PSKH1: variants seen among roughly 807,000 people sequenced by gnomAD.
PSKH1 encodes the protein serine/threonine-protein kinase H1.
In PSKH1, 12 loss-of-function variants were observed where a neutral mutation model predicts 26.7. The ratio of observed to expected loss-of-function variants is 0.45; its 90% CI spans 0.29 to 0.73. The LOEUF is 0.73. Among genes scored for constraint, PSKH1 ranks in the 30% least tolerant of loss-of-function variants. PSKH1 has a pLI of 0.11. For missense variants in PSKH1, 431 were observed against 595.2 expected, an observed-to-expected ratio of 0.72 and a Z score of 2.87; for synonymous variants, 213 against 234.3, an observed-to-expected ratio of 0.91 and a Z score of 0.83.
chr16:67,900,360 G>C (rs1009778452), intron 1 of PSKH1, among the ~76,000 whole-genome samples: 2 of 152,184 alleles, frequency 1.3e-5, no homozygotes, highest in African/African-American at 4.8e-5. Context: ...TCTGACAGCT[G>C]TAGTGATCAA....
chr16:67,904,821 A>ATTT (rs942779122), intron 1 of PSKH1, among the ~76,000 whole-genome samples: 79 of 115,920 alleles, frequency 6.8e-4, no homozygotes, highest in Admixed American at 6.1e-4. Flanking sequence ...TCCTTTTTTA[A>ATTT]TTTTTTTTTT....
chr16:67,896,181 T>C (rs2058125956), intron 1 of PSKH1, among the ~76,000 whole-genome samples: 1 of 151,988 alleles, frequency 6.6e-6, no homozygotes, highest in East Asian at 1.9e-4. Flanking sequence ...TGAGCTCGGC[T>C]CACTACAACC....
In PSKH1 at chr16:67,909,338, C is replaced by T. The variant is rs147652625; in HGVS notation, c.589C>T (p.Arg197Trp). The T allele has an allele frequency of 8.7e-6, 14 of 1,614,106 alleles. No individual in the cohort carries two copies. Among genetic ancestry groups the T allele is most frequent in the African/African-American group, 5.3e-5 (4 of 75,034 alleles). Residue 197 changes from arginine (R) to tryptophan (W), a missense_variant, in exon 2 of 3, where the codon CGG becomes TGG. Transcript: ENST00000291041. The surrounding 1 kb of genome is among the most constrained non-coding windows in gnomAD (Gnocchi z 7.8). ...CTCCTTCACCGAGCGTGACGCCACG[C>T]GGGTGCTGCAGATGGTGCTGGATGG... ...KGSFTERDAT[R>W]VLQMVLDGVR...
At chr16:67,914,375 A>T (rs1405271958) in intron 2 of PSKH1, among the ~76,000 whole-genome samples, 2 of 151,152 alleles carry the variant, frequency 1.3e-5, no homozygotes, top group Non-Finnish European at 2.9e-5. Flanking sequence ...CTGGTCTCGA[A>T]CTCCCAACCT....
Position 67,927,533 on chromosome 16 carries a change from C to G in PSKH1, c.1166C>G (p.Ala389Gly). 6.2e-7 allele frequency: 1 copy of G among 1,614,068 alleles called. No individual in the cohort carries two copies. Among genetic ancestry groups the G allele is most frequent in the Non-Finnish European group, 8.5e-7 (1 of 1,180,038 alleles). The change falls in exon 3 of 3, where the codon GCC becomes GGC. Residue 389 changes from alanine (A) to glycine (G), a missense_variant. Ala to Gly is a moderately conservative substitution (Grantham distance 60). Transcript: ENST00000291041. The surrounding 1 kb of genome is among the most constrained non-coding windows in gnomAD (Gnocchi z 5.5). ...TCGCGCTGCCAGAGCACCAAATCTG[C>G]CCAGTCCACGCGTTCCAGCCGCTCC... Reference protein sequence around the residue: ...ASSRCQSTKSAQSTRSSRSTR... With the variant: ...ASSRCQSTKSGQSTRSSRSTR...
At chr16:67,921,009 G>A (rs1344024521) in intron 2 of PSKH1, among the ~76,000 whole-genome samples, 1 of 151,678 alleles carries the variant, frequency 6.6e-6, no homozygotes, top group Non-Finnish European at 1.5e-5. Flanking sequence ...GGCTGGGCAC[G>A]GTGGCTCACA....
intron 2 of PSKH1, among the ~76,000 whole-genome samples, chr16:67,926,492 C>A (rs1280433653): frequency 6.6e-6 from 1 of 152,198 alleles, no homozygotes; most frequent in Non-Finnish European, 1.5e-5. Context: ...TGTCCTTTAC[C>A]CTGAGAACCT....
intron 2 of PSKH1, among the ~76,000 whole-genome samples, chr16:67,916,321 C>A (rs553834745): frequency 6.6e-6 from 1 of 152,252 alleles, no homozygotes; most frequent in Admixed American, 6.5e-5. Context: ...TTCCCTGACC[C>A]CATAGAGTGC....
intron 1 of PSKH1, among the ~76,000 whole-genome samples, chr16:67,905,053 C>G (rs1401952254): frequency 6.6e-6 from 1 of 151,740 alleles, no homozygotes; most frequent in African/African-American, 2.4e-5. Context: ...GTCTCGATCT[C>G]CTGACCTCAT....
At chr16:67,902,798 C>T (rs975707216) in intron 1 of PSKH1, among the ~76,000 whole-genome samples, 2 of 149,868 alleles carry the variant, frequency 1.3e-5, no homozygotes, top group South Asian at 2.1e-4. Flanking sequence ...GTCTTGCCTC[C>T]GAATGGTGGT....
chr16:67,926,546 GAGAC>G (rs1342726311), intron 2 of PSKH1, among the ~76,000 whole-genome samples: 1 of 152,218 alleles, frequency 6.6e-6, no homozygotes, highest in Non-Finnish European at 1.5e-5. Flanking sequence ...CTGAGGCCCT[GAGAC>G]AGACAGCTGC....
intron 1 of PSKH1, among the ~76,000 whole-genome samples, chr16:67,906,436 G>A (rs2058156278): frequency 1.4e-5 from 2 of 147,374 alleles, no homozygotes; most frequent in Non-Finnish European, 3.0e-5. Context: ...GCACAATCTT[G>A]GCTCACTGCA....
intron 1 of PSKH1, among the ~76,000 whole-genome samples, chr16:67,904,821 ATTTTTTT>A (rs942779122): frequency 9.5e-5 from 11 of 115,942 alleles, no homozygotes; most frequent in South Asian, 2.7e-4. Flanking sequence ...TCCTTTTTTA[ATTTTTTT>A]TTTTTTTTTT....
chr16:67,925,936 G>A (rs2058215008), intron 2 of PSKH1, among the ~76,000 whole-genome samples: 1 of 151,822 alleles, frequency 6.6e-6, no homozygotes, highest in South Asian at 2.1e-4. Context: ...GCAGTAGTCA[G>A]TGAGTGTGTG....
At chr16:67,904,920 G>T (rs901954312) in intron 1 of PSKH1, among the ~76,000 whole-genome samples, 1 of 143,970 alleles carries the variant, frequency 6.9e-6, no homozygotes, top group South Asian at 2.3e-4. Flanking sequence ...TCTGCCTCCC[G>T]CATTCACGCC....
At chr16:67,925,546 G>A (rs2058213692) in intron 2 of PSKH1, among the ~76,000 whole-genome samples, 1 of 152,048 alleles carries the variant, frequency 6.6e-6, no homozygotes, top group South Asian at 2.1e-4. Flanking sequence ...TGCCTGTCGG[G>A]GAGGGCTGTT....
Position 67,927,670 on chromosome 16 carries a change from C to A in PSKH1, c.*28C>A. 1 of 1,573,618 alleles carries A rather than the reference C, an allele frequency of 6.4e-7. No individual in the cohort carries two copies. Among genetic ancestry groups the A allele is most frequent in the South Asian group, 1.1e-5 (1 of 87,514 alleles). On this transcript the variant is annotated 3_prime_UTR_variant, in exon 3 of 3. Transcript: ENST00000291041. This position sits in a 1 kb window ranked among gnomAD's most constrained non-coding sequence, Gnocchi z 5.5. ...CGCCTGGCTGTGCACACATGCAGCA[C>A]GACCCAGCCTGGCCACACACTGTGG... is the stretch of plus-strand genomic sequence containing the variant.
chr16:67,894,596 T>G (rs978381750), intron 1 of PSKH1, among the ~76,000 whole-genome samples: 3 of 152,224 alleles, frequency 2.0e-5, no homozygotes, highest in African/African-American at 7.2e-5. Flanking sequence ...TTGCTTGGCA[T>G]GTAACCATTA....
At chr16:67,904,489 C>A (rs2058150572) in intron 1 of PSKH1, among the ~76,000 whole-genome samples, 2 of 152,154 alleles carry the variant, frequency 1.3e-5, no homozygotes, top group African/African-American at 4.8e-5. Flanking sequence ...CAGGCATGAG[C>A]CACCGCGCCC....
Sources: allele counts gnomAD v4.1 joint callset (sites outside exome capture counted in the v4.1 genomes callset), GRCh38; gene constraint gnomAD v4.1.1; non-coding constraint Gnocchi (gnomAD v3.1); transcripts MANE v1.5; gene names NCBI Gene and HGNC (gene_info 2026-07-23, HGNC 2026-07-21).